CCDC28A: variants seen among roughly 807,000 people sequenced by gnomAD.
CCDC28A encodes coiled-coil domain-containing protein 28A.
CCDC28A carries 24 observed loss-of-function variants against 22.1 expected under a neutral mutation model. That is an observed-to-expected ratio of 1.09 (90% CI 0.79 to 1.53). The LOEUF is 1.53. CCDC28A is among the 40% of genes most tolerant of loss of function. The probability of loss-of-function intolerance (pLI) is 0.00; values close to 1 mark genes in which losing one functional copy is unlikely to be tolerated. For missense variants in CCDC28A, 170 were observed against 210.7 expected (o/e 0.81, Z 1.20); for synonymous variants, 83 against 74.7 (o/e 1.11, Z -0.57).
Position 138,793,097 on chromosome 6 carries a change from T to C in CCDC28A, c.*294T>C, listed in dbSNP as rs991593855. 5.9e-6 allele frequency: 2 copies of C among 338,600 alleles called. No individual in the cohort carries two copies. Among genetic ancestry groups the C allele is most frequent in the Non-Finnish European group, 1.1e-5 (2 of 179,356 alleles). The allele number at this position is 338,600 out of a possible 1,614,324, so 21.0% of individuals were successfully genotyped here. On this transcript the variant is annotated 3_prime_UTR_variant, in exon 6 of 6. Transcript: ENST00000617445. Reference sequence around the variant, plus strand: ...ATACTTGAAATGCATTGTGCTGATGTTCTTGACAGGGCGGAGGGATTTCTC... The same window carrying C: ...ATACTTGAAATGCATTGTGCTGATGCTCTTGACAGGGCGGAGGGATTTCTC...
chr6:138,780,081 C>A, intron 3 of CCDC28A, 96 bp downstream of exon 3: 5 of 904,024 alleles, frequency 5.5e-6, no homozygotes, highest in South Asian at 2.7e-5. Flanking sequence ...GTGCCAGTTT[C>A]TTTTAAGAAA....
chr6:138,784,047 G>A (rs369369612), intron 3 of CCDC28A, among the ~76,000 whole-genome samples: 18 of 151,554 alleles, frequency 1.2e-4, no homozygotes, highest in African/African-American at 3.9e-4. Context: ...CTGGCTAATT[G>A]GCTGATTTTT....
At chr6:138,778,091 C>T (rs970562896) in intron 2 of CCDC28A, among the ~76,000 whole-genome samples, 2 of 151,990 alleles carry the variant, frequency 1.3e-5, no homozygotes, top group African/African-American at 4.8e-5. Context: ...TGTTATTGAC[C>T]TACTGTCAAC....
Position 138,793,075 on chromosome 6 carries a change from C to G in CCDC28A, c.*272C>G, listed in dbSNP as rs1775198003. The G allele has an allele frequency of 7.4e-6, 3 of 405,928 alleles. No homozygotes were observed. The highest frequency in any genetic ancestry group is 7.1e-5 in the South Asian group (3 of 42,048). 25.1% of individuals were successfully genotyped at this position (405,928 alleles called of 1,614,324 possible). On this transcript the variant is annotated 3_prime_UTR_variant, in exon 6 of 6. Coordinates refer to ENST00000617445, the MANE Select transcript of CCDC28A (RefSeq NM_015439.3). Reference sequence around the variant, plus strand: ...CATATTGTTGCCTTATGGGATTATACTTGAAATGCATTGTGCTGATGTTCT... The same window carrying G: ...CATATTGTTGCCTTATGGGATTATAGTTGAAATGCATTGTGCTGATGTTCT...
intron 3 of CCDC28A, 53 bp downstream of exon 3, chr6:138,780,038 G>A: frequency 7.4e-7 from 1 of 1,349,298 alleles, no homozygotes; most frequent in African/African-American, 1.5e-5. Flanking sequence ...TTTGCATCCT[G>A]TTTTCTGTGT....
At chr6:138,779,421 G>T (rs1774984039) in intron 2 of CCDC28A, among the ~76,000 whole-genome samples, 1 of 152,182 alleles carries the variant, frequency 6.6e-6, no homozygotes, top group African/African-American at 2.4e-5. Context: ...TGGCTACAGA[G>T]TAGGGACTCC....
In CCDC28A at chr6:138,773,880, G is replaced by T. The variant is rs367936512; in HGVS notation, c.-65G>T. ...GGGTCTTTGCGGGTTGCGGAAGGGG[G>T]CCCCAATACCCTTCTTCTTCAGGTA... is the stretch of plus-strand genomic sequence containing the variant. On this transcript the variant is annotated 5_prime_UTR_variant, in exon 1 of 6. Transcript: ENST00000617445. 4.3e-6 allele frequency: 7 copies of T among 1,613,602 alleles called. No individual in the cohort carries two copies. In the African/African-American group the frequency reaches 5.3e-5, roughly 12 times the overall value.
intron 3 of CCDC28A, among the ~76,000 whole-genome samples, chr6:138,781,143 T>C (rs1421146491): frequency 1.3e-5 from 2 of 152,238 alleles, no homozygotes; most frequent in Non-Finnish European, 2.9e-5. Context: ...TTTATTTTCA[T>C]TATTTAATAC....
At chr6:138,774,329 A>G (rs1388487259) in intron 1 of CCDC28A, among the ~76,000 whole-genome samples, 2 of 152,134 alleles carry the variant, frequency 1.3e-5, no homozygotes, top group Non-Finnish European at 2.9e-5. Flanking sequence ...TAGCATCGTT[A>G]AATTTCAGGC....
intron 5 of CCDC28A, among the ~76,000 whole-genome samples, chr6:138,788,704 A>G (rs1775129798): frequency 6.6e-6 from 1 of 150,424 alleles, no homozygotes; most frequent in South Asian, 2.1e-4. Flanking sequence ...AGCCTCCCAA[A>G]GTGCTGGGAT....
chr6:138,788,871 G>GT (rs2128363241), intron 5 of CCDC28A, among the ~76,000 whole-genome samples: 1 of 152,096 alleles, frequency 6.6e-6, no homozygotes. Flanking sequence ...ATAACTGAGG[G>GT]TTAGGTTAGT....
At chr6:138,791,594 T>G (rs1396296282) in intron 5 of CCDC28A, among the ~76,000 whole-genome samples, 1 of 152,128 alleles carries the variant, frequency 6.6e-6, no homozygotes, top group Non-Finnish European at 1.5e-5. Context: ...CTCAGGCTGG[T>G]TTTCTGGATG....
chr6:138,773,940 C>G, intron 1 of CCDC28A, 38 bp downstream of exon 1: 1 of 1,603,044 alleles, frequency 6.2e-7, no homozygotes, highest in Non-Finnish European at 8.5e-7. Flanking sequence ...GCAACCTGCC[C>G]CTTTAGGCCC....
intron 1 of CCDC28A, among the ~76,000 whole-genome samples, chr6:138,774,189 G>C (rs1774889570): frequency 6.6e-6 from 1 of 152,218 alleles, no homozygotes; most frequent in African/African-American, 2.4e-5. Context: ...TCTTGTGACA[G>C]ATGTAATTTT....
At chr6:138,777,258 G>T (rs192562545) in intron 2 of CCDC28A, among the ~76,000 whole-genome samples, 10 of 152,332 alleles carry the variant, frequency 6.6e-5, no homozygotes, top group African/African-American at 2.4e-4. Context: ...CCTTGATGAT[G>T]ATCTCTCTTT....
chr6:138,774,161 C>T (rs1416942683), intron 1 of CCDC28A, among the ~76,000 whole-genome samples: 1 of 152,176 alleles, frequency 6.6e-6, no homozygotes, highest in Non-Finnish European at 1.5e-5. Context: ...GTTTGATATA[C>T]AGGAAGGGTT....
intron 5 of CCDC28A, among the ~76,000 whole-genome samples, chr6:138,789,106 A>C (rs947010129): frequency 3.3e-5 from 5 of 152,224 alleles, no homozygotes; most frequent in African/African-American, 1.2e-4. Flanking sequence ...AAAGGACATC[A>C]CCAAGACACA....
chr6:138,791,916 AT>A (rs551281937), intron 5 of CCDC28A, among the ~76,000 whole-genome samples: 28 of 152,314 alleles, frequency 1.8e-4, no homozygotes, highest in South Asian at 4.1e-4. Flanking sequence ...GTGTATTCAT[AT>A]CATTGAATTG....
intron 2 of CCDC28A, among the ~76,000 whole-genome samples, chr6:138,779,359 A>G (rs1292555855): frequency 6.6e-6 from 1 of 152,228 alleles, no homozygotes; most frequent in African/African-American, 2.4e-5. Flanking sequence ...CATGGTGATT[A>G]TGAATTTAAA....
Sources: allele counts gnomAD v4.1 joint callset (sites outside exome capture counted in the v4.1 genomes callset), GRCh38; gene constraint gnomAD v4.1.1; transcripts MANE v1.5; gene names NCBI Gene and HGNC (gene_info 2026-07-23, HGNC 2026-07-21).